PTPRG: variants seen among roughly 807,000 people sequenced by gnomAD.
PTPRG encodes protein tyrosine phosphatase receptor type G, also known as receptor-type tyrosine-protein phosphatase gamma.
In PTPRG, 102 loss-of-function variants were observed where a neutral mutation model predicts 165.3. The ratio of observed to expected loss-of-function variants is 0.62; its 90% confidence interval spans 0.53 to 0.73. The LOEUF is 0.73. Among genes scored for constraint, PTPRG ranks in the 30% least tolerant of loss-of-function variants. PTPRG has a pLI of 0.00. For synonymous variants in PTPRG, 675 were observed against 669.5 expected (o/e 1.01, Z -0.13); for missense variants, 1,866 against 1,861.4 (o/e 1.00, Z -0.05).
chr3:62,064,633 A>C (rs1700945568), intron 4 of PTPRG, among the ~76,000 whole-genome samples: 1 of 152,058 alleles, frequency 6.6e-6, no homozygotes, highest in Non-Finnish European at 1.5e-5. Flanking sequence ...CAAAGTATTA[A>C]TATTGTGAAT....
intron 12 of PTPRG, among the ~76,000 whole-genome samples, chr3:62,208,159 T>C (rs915358273): frequency 3.9e-5 from 6 of 152,188 alleles, no homozygotes; most frequent in African/African-American, 1.4e-4. Flanking sequence ...TTCAGAAGGC[T>C]TGAAGGCCTA....
chr3:61,920,083 T>C (rs145885173), intron 2 of PTPRG, among the ~76,000 whole-genome samples: 57 of 152,348 alleles, frequency 3.7e-4, no homozygotes, highest in African/African-American at 1.3e-3. Context: ...AGATGATCCC[T>C]GGTTGAGGTG....
chr3:62,047,800 G>A (rs1282954275), intron 4 of PTPRG, among the ~76,000 whole-genome samples: 1 of 152,096 alleles, frequency 6.6e-6, no homozygotes, highest in Non-Finnish European at 1.5e-5. Context: ...GGGCCTTTGA[G>A]TTCATAAATG....
intron 5 of PTPRG, among the ~76,000 whole-genome samples, chr3:62,122,566 A>T (rs906592): frequency 6.6e-6 from 1 of 151,910 alleles, no homozygotes; most frequent in Non-Finnish European, 1.5e-5. Context: ...ACTGCATAAC[A>T]CTCTGTGACT....
chr3:61,800,898 G>A (rs6776979), intron 2 of PTPRG, among the ~76,000 whole-genome samples: 50,798 of 151,872 alleles, frequency 0.33, 8,986 homozygotes, highest in African/African-American at 0.39. Flanking sequence ...CCCGCCGTCA[G>A]CCTCCCAAAG....
At chr3:62,197,366 C>G (rs1465432777) in intron 10 of PTPRG, among the ~76,000 whole-genome samples, 1 of 152,170 alleles carries the variant, frequency 6.6e-6, no homozygotes, top group Non-Finnish European at 1.5e-5. Context: ...CTGCAAGGAT[C>G]CCTTCTGGCT....
intron 2 of PTPRG, among the ~76,000 whole-genome samples, chr3:61,830,216 G>A (rs577802670): frequency 3.9e-5 from 6 of 152,330 alleles, no homozygotes; most frequent in Non-Finnish European, 8.8e-5. Context: ...GAAAACCTGT[G>A]TAGCAAATCA....
At chr3:62,005,436 T>C (rs1013002090) in intron 4 of PTPRG, among the ~76,000 whole-genome samples, 2 of 152,212 alleles carry the variant, frequency 1.3e-5, no homozygotes, top group Non-Finnish European at 2.9e-5. Context: ...GGTAGCTTTG[T>C]GTCCAGCAAG....
chr3:61,601,516 G>A (rs1286070819), intron 1 of PTPRG, among the ~76,000 whole-genome samples: 2 of 152,182 alleles, frequency 1.3e-5, no homozygotes, highest in Non-Finnish European at 2.9e-5. Flanking sequence ...TGTTGATGGT[G>A]TATTCTTTTG....
At chr3:61,581,068 A>G (rs759845897) in intron 1 of PTPRG, among the ~76,000 whole-genome samples, 9 of 152,162 alleles carry the variant, frequency 5.9e-5, no homozygotes, top group Non-Finnish European at 8.8e-5. Context: ...GTTTTTCTCA[A>G]TGGTATTTTT....
At chr3:61,937,015 G>A (rs1426486818) in intron 2 of PTPRG, among the ~76,000 whole-genome samples, 1 of 152,162 alleles carries the variant, frequency 6.6e-6, no homozygotes, top group African/African-American at 2.4e-5. Flanking sequence ...GGCAGAGGAG[G>A]CTTTTTTTTG....
At chr3:61,797,963 C>CT (rs1470640586) in intron 2 of PTPRG, among the ~76,000 whole-genome samples, 3 of 152,224 alleles carry the variant, frequency 2.0e-5, no homozygotes, top group Admixed American at 2.0e-4. Context: ...GGTCAATGGA[C>CT]TATTCTTCCC....
chr3:61,840,672 C>T (rs2036601406), intron 2 of PTPRG, among the ~76,000 whole-genome samples: 1 of 151,742 alleles, frequency 6.6e-6, no homozygotes, highest in Non-Finnish European at 1.5e-5. Context: ...ATATTTTTAC[C>T]TTTGGAGTTT....
intron 6 of PTPRG, among the ~76,000 whole-genome samples, chr3:62,133,473 TTTAGACA>T (rs1193034937): frequency 2.0e-5 from 3 of 152,242 alleles, no homozygotes; most frequent in African/African-American, 7.2e-5. Flanking sequence ...GAGGATTGTC[TTTAGACA>T]TTAGCCAACT....
chr3:61,786,335 G>A (rs1368189540), intron 2 of PTPRG, among the ~76,000 whole-genome samples: 2 of 152,070 alleles, frequency 1.3e-5, no homozygotes, highest in African/African-American at 4.8e-5. Context: ...TTGTGGCTTG[G>A]CCTTACTTCA....
intron 2 of PTPRG, among the ~76,000 whole-genome samples, chr3:61,981,016 TG>T (rs2040629875): frequency 6.6e-6 from 1 of 152,184 alleles, no homozygotes; most frequent in Non-Finnish European, 1.5e-5. Flanking sequence ...TACTTGAGAC[TG>T]GGTAATTTAT....
Position 62,218,863 on chromosome 3 carries a change from C to T in PTPRG, c.2168C>T (p.Thr723Ile). ...TTTCTCTTGGCAGCGGAAAAAAACA[C>T]CTCTGGAATGATAAGCCGCCCTGCT... ...FITVNPAEKNTSGMISRPAPG... is the reference protein window; with the variant it reads ...FITVNPAEKNISGMISRPAPG... Residue 723 changes from threonine (T) to isoleucine (I), a missense_variant, in exon 13 of 30, where the codon ACC (threonine) becomes ATC (isoleucine). By Grantham distance (89) the Thr-to-Ile change is moderately conservative. Transcript: ENST00000474889. 6.2e-7 allele frequency: 1 copy of T among 1,613,632 alleles called. No homozygotes were observed. The highest frequency in any genetic ancestry group is 8.5e-7 in the Non-Finnish European group (1 of 1,179,774).
chr3:62,267,616 C>A, intron 18 of PTPRG, 69 bp from the exon 19 acceptor site: 1 of 1,554,510 alleles, frequency 6.4e-7, no homozygotes, highest in South Asian at 1.2e-5. Context: ...ATATGGAAGG[C>A]ATTTGAATTA....
At chr3:62,194,278 G>A (rs1015865913) in intron 9 of PTPRG, among the ~76,000 whole-genome samples, 1 of 152,178 alleles carries the variant, frequency 6.6e-6, no homozygotes, top group Non-Finnish European at 1.5e-5. Flanking sequence ...CTGTTGCTCG[G>A]TGTGGTCTAC....
Sources: allele counts gnomAD v4.1 joint callset (sites outside exome capture counted in the v4.1 genomes callset), GRCh38; gene constraint gnomAD v4.1.1; transcripts MANE v1.5; gene names NCBI Gene and HGNC (gene_info 2026-07-23, HGNC 2026-07-21).